The following DEPDC4 variants were observed in gnomAD, a reference collection of about 807,000 sequenced individuals.
DEPDC4 encodes DEP domain containing 4.
DEPDC4 carries 52 observed loss-of-function variants against 52.0 expected under a neutral mutation model. The observed-to-expected ratio is 1.00, with a 90% CI of 0.80 to 1.26. The LOEUF is 1.26. DEPDC4 is among the 50% of genes most tolerant of loss of function. The pLI, the probability that DEPDC4 is intolerant of heterozygous loss-of-function variation, is 0.00. For missense variants in DEPDC4, 530 were observed against 546.9 expected, an observed-to-expected ratio of 0.97 and a Z score of 0.31; for synonymous variants, 201 against 196.8, an observed-to-expected ratio of 1.02 and a Z score of -0.18.
chr12:100,281,017 G>GTGTTTTGTT, the DEPDC4 span, among the ~76,000 whole-genome samples: 12 of 91,694 alleles, frequency 1.3e-4, no homozygotes, highest in African/African-American at 5.4e-4. Context: ...TTTACCATCA[G>GTGTTTTGTT]TGTTTTTTTT....
the DEPDC4 span, among the ~76,000 whole-genome samples, chr12:100,273,276 C>T: frequency 4.7e-4 from 71 of 152,094 alleles, 1 homozygote; most frequent in Non-Finnish European, 7.4e-4. Context: ...CTACAATTCT[C>T]CTATTCTCTA....
chr12:100,237,586 G>C (rs1357820196), downstream of DEPDC4, among the ~76,000 whole-genome samples: 2 of 152,116 alleles, frequency 1.3e-5, no homozygotes, highest in African/African-American at 4.8e-5. Context: ...GTAGACTTCA[G>C]AGCCCATATT....
downstream of DEPDC4, among the ~76,000 whole-genome samples, chr12:100,238,508 CTTT>C (rs374449171): frequency 5.6e-5 from 6 of 107,284 alleles, no homozygotes; most frequent in Admixed American, 2.1e-4. Context: ...TAGCTTAGTG[CTTT>C]TTTTTTTTTT....
Position 100,241,226 on chromosome 12 carries a change from A to C in DEPDC4, c.*666T>G, listed in dbSNP as rs181962706. Among the ~76,000 whole-genome samples, 1 of 151,996 alleles carries C rather than the reference A, an allele frequency of 6.6e-6. No homozygotes were observed. The highest frequency in any genetic ancestry group is 2.4e-5 in the African/African-American group (1 of 41,374). Reference sequence around the variant, plus strand: ...TGTATGAAAAGCTCCTTTCCTGTGGAAAAAAAAGGAAATTAACTGTACTAG... The same window carrying C: ...TGTATGAAAAGCTCCTTTCCTGTGGCAAAAAAAGGAAATTAACTGTACTAG... On this transcript the variant is annotated 3_prime_UTR_variant, in exon 10 of 10. Transcript: ENST00000550587.
At chr12:100,256,924 A>G (rs913701419) in intron 3 of DEPDC4, among the ~76,000 whole-genome samples, 12 of 151,970 alleles carry the variant, frequency 7.9e-5, no homozygotes, top group Admixed American at 6.6e-5. Flanking sequence ...TACAGGCGTG[A>G]GTCACTGCGC....
At chr12:100,274,323 A>G in the DEPDC4 span, among the ~76,000 whole-genome samples, 1 of 152,186 alleles carries the variant, frequency 6.6e-6, no homozygotes, top group Non-Finnish European at 1.5e-5. Context: ...TTTTTTGTCA[A>G]GAGTTTAAAT....
the DEPDC4 span, among the ~76,000 whole-genome samples, chr12:100,276,298 T>A: frequency 6.6e-6 from 1 of 152,168 alleles, no homozygotes; most frequent in Non-Finnish European, 1.5e-5. Context: ...CTGTTATTGG[T>A]CATTTGTGTC....
rs149010319 is a variant in DEPDC4 at position 100,263,696 on chromosome 12, T to G, written c.355A>C (p.Lys119Gln). The change falls in exon 2 of 10, where the codon AAA becomes CAA. Residue 119 changes from lysine (K) to glutamine (Q), a missense_variant. Physicochemically the swap from Lys to Gln is moderately conservative, Grantham distance 53. Transcript: ENST00000550587. Reference sequence around the variant, plus strand: ...AGAACTTGGCAAAGATGAACCCCTTTAAGACAAGAGATGTCATTGCTACTT... The same window carrying G: ...AGAACTTGGCAAAGATGAACCCCTTGAAGACAAGAGATGTCATTGCTACTT... ...CLSSNDISCL[K>Q]GVHLCQVLMN... The G allele has an allele frequency of 3.3e-5, 54 of 1,614,164 alleles. No homozygotes were observed. The African/African-American group carries it at 6.7e-4, about 20-fold the overall frequency.
intron 1 of DEPDC4, among the ~76,000 whole-genome samples, 191 bp downstream of exon 1, chr12:100,266,729 C>T (rs2096275239): frequency 6.6e-6 from 1 of 152,196 alleles, no homozygotes; most frequent in African/African-American, 2.4e-5. Context: ...TCCAAGGGCA[C>T]TTCACCACAG....
chr12:100,281,286 C>T, the DEPDC4 span, among the ~76,000 whole-genome samples: 1 of 151,982 alleles, frequency 6.6e-6, no homozygotes, highest in South Asian at 2.1e-4. Flanking sequence ...CCATCAGCCT[C>T]CTAAAGTGCT....
At chr12:100,279,181 T>G in the DEPDC4 span, among the ~76,000 whole-genome samples, 2 of 152,218 alleles carry the variant, frequency 1.3e-5, no homozygotes, top group Non-Finnish European at 2.9e-5. Flanking sequence ...GGAGGCTTGG[T>G]TTCAGGGTGA....
intron 3 of DEPDC4, among the ~76,000 whole-genome samples, chr12:100,258,604 T>C (rs1394945449): frequency 6.6e-6 from 1 of 152,172 alleles, no homozygotes; most frequent in African/African-American, 2.4e-5. Flanking sequence ...TCAGAATGGC[T>C]TTAGTCTTTT....
chr12:100,269,069 T>A (rs1021637376), upstream of DEPDC4, among the ~76,000 whole-genome samples: 2 of 152,210 alleles, frequency 1.3e-5, no homozygotes, highest in Non-Finnish European at 2.9e-5. Context: ...CAAGACTTAG[T>A]GACTTTTTCA....
the DEPDC4 span, among the ~76,000 whole-genome samples, chr12:100,281,018 T>G: frequency 1.3e-4 from 16 of 124,140 alleles, no homozygotes; most frequent in Admixed American, 1.1e-3. Context: ...TTACCATCAG[T>G]GTTTTTTTTT....
At chr12:100,274,464 A>G in the DEPDC4 span, among the ~76,000 whole-genome samples, 3 of 152,234 alleles carry the variant, frequency 2.0e-5, no homozygotes, top group East Asian at 1.9e-4. Flanking sequence ...TCTTAACTGT[A>G]GTTCTGTGGT....
rs2096211061 is a variant in DEPDC4 at position 100,252,273 on chromosome 12, G to A, written c.1277C>T (p.Thr426Ile). The change falls in exon 7 of 10, where the codon ACT becomes ATT. Residue 426 changes from threonine (T) to isoleucine (I), a missense_variant. Coordinates refer to ENST00000550587, the MANE Select transcript of DEPDC4 (RefSeq NM_001364818.2). ...GGCTTGCAAAACTGATTTGGCAAGA[G>A]TTTTCAGGACCACTGTTTTATTATC... ...QYDNKTVVLK[T>I]LAKSVLQAKS... The A allele has an allele frequency of 1.4e-6, 2 of 1,423,132 alleles. No homozygotes were observed. Among genetic ancestry groups the A allele is most frequent in the African/African-American group, 1.5e-5 (1 of 68,906 alleles). The allele number at this position is 1,423,132 out of a possible 1,614,324, so 88.2% of individuals were successfully genotyped here.
intron 8 of DEPDC4, among the ~76,000 whole-genome samples, chr12:100,244,099 A>C (rs1318653788): frequency 1.1e-4 from 5 of 46,386 alleles, no homozygotes; most frequent in African/African-American, 3.3e-4. Context: ...CTCTGTGTAT[A>C]TATATATATA....
At chr12:100,264,990 C>A (rs910698411) in intron 1 of DEPDC4, among the ~76,000 whole-genome samples, 6 of 152,054 alleles carry the variant, frequency 3.9e-5, no homozygotes, top group African/African-American at 1.4e-4. Flanking sequence ...TAATGAAAAC[C>A]TAAAAACAAT....
chr12:100,278,196 T>C, the DEPDC4 span, among the ~76,000 whole-genome samples: 3 of 152,116 alleles, frequency 2.0e-5, no homozygotes, highest in South Asian at 6.2e-4. Flanking sequence ...AAGTTTTTTT[T>C]GTTTTGTTTT....
Sources: gnomAD v4.1 joint callset for allele counts (sites outside exome capture counted in the v4.1 genomes callset) on GRCh38, gnomAD v4.1.1 for gene constraint, MANE v1.5 for transcripts, NCBI Gene and HGNC (gene_info 2026-07-23, HGNC 2026-07-21) for gene names.